ZNF724: variants seen among roughly 807,000 people sequenced by gnomAD.
ZNF724 encodes zinc finger protein 724 pseudogene.
A neutral mutation model predicts 29.3 loss-of-function variants in ZNF724; 14 were observed. The observed-to-expected ratio is 0.48, with a 90% CI of 0.32 to 0.75. ZNF724 has a LOEUF of 0.75. Among genes scored for constraint, ZNF724 ranks in the 30% least tolerant of loss-of-function variants. The pLI, the probability that ZNF724 is intolerant of heterozygous loss-of-function variation, is 0.04. For synonymous variants in ZNF724, 180 were observed against 193.6 expected, an observed-to-expected ratio of 0.93 and a Z score of 0.58; for missense variants, 557 against 571.2, an observed-to-expected ratio of 0.98 and a Z score of 0.25.
At position 23,233,179 on chromosome 19, in the gene ZNF724, C is replaced by G. The variant is rs537357540; in HGVS notation, c.4-886G>C. 3.3e-5 allele frequency among the ~76,000 whole-genome samples: 5 copies of G among 152,194 alleles called. No homozygotes were observed. The South Asian group carries it at 8.3e-4, about 25-fold the overall frequency. ...GGAAACATCAGTTTTATGCAAAGTTCAAGATACAGGTATCTTCTATCTTGA... is the reference window on the plus strand; with the variant it reads ...GGAAACATCAGTTTTATGCAAAGTTGAAGATACAGGTATCTTCTATCTTGA... On this transcript the variant is annotated intron_variant, in intron 1 of 3. Transcript: ENST00000418100.
At chr19:23,244,242 C>T (rs867148319) in intron 1 of ZNF724, among the ~76,000 whole-genome samples, 8 of 152,062 alleles carry the variant, frequency 5.3e-5, no homozygotes, top group African/African-American at 1.7e-4. Flanking sequence ...GCTGCAGATT[C>T]GGTGTCTGGG....
Position 23,222,933 on chromosome 19 carries a change from T to G in ZNF724, c.1312A>C (p.Thr438Pro), listed in dbSNP as rs1318958941. 1 of 1,386,802 alleles carries G rather than the reference T, an allele frequency of 7.2e-7. No individual in the cohort carries two copies. Among genetic ancestry groups the G allele is most frequent in the Non-Finnish European group, 1.0e-6 (1 of 974,226 alleles). The allele number at this position is 1,386,802 out of a possible 1,614,324, so 85.9% of individuals were successfully genotyped here. Residue 438 changes from threonine (T) to proline (P), a missense_variant, in exon 4 of 4, where the codon ACT becomes CCT. Physicochemically the swap from Thr to Pro is conservative, Grantham distance 38 (BLOSUM62 -1). Coordinates refer to ENST00000418100, the MANE Select transcript of ZNF724 (RefSeq NM_001355404.2). Reference sequence around the variant, plus strand: ...CCAGTATGAATTATCTTATGTGTAGTAAGTTGTGAGAACTGGTTAAAGGCT... The same window carrying G: ...CCAGTATGAATTATCTTATGTGTAGGAAGTTGTGAGAACTGGTTAAAGGCT... ...GKAFNQFSQL[T>P]THKIIHTGEK...
At chr19:23,230,480 T>C (rs1322739203) in intron 3 of ZNF724, among the ~76,000 whole-genome samples, 1 of 100,822 alleles carries the variant, frequency 9.9e-6, no homozygotes, top group Non-Finnish European at 2.0e-5. Flanking sequence ...TTTCAAACTA[T>C]ATTTCAAGAC....
intron 1 of ZNF724, among the ~76,000 whole-genome samples, chr19:23,236,106 G>C (rs931403020): frequency 1.3e-5 from 2 of 152,150 alleles, no homozygotes; most frequent in African/African-American, 4.8e-5. Flanking sequence ...AGGTAATTTT[G>C]CAACTTAGGG....
At chr19:23,230,032 A>G (rs1971908397) in intron 3 of ZNF724, among the ~76,000 whole-genome samples, 1 of 152,180 alleles carries the variant, frequency 6.6e-6, no homozygotes, top group African/African-American at 2.4e-5. Context: ...TAATTAATAT[A>G]CTCAGTAAAT....
intron 3 of ZNF724, among the ~76,000 whole-genome samples, chr19:23,224,623 C>T (rs1198592321): frequency 1.3e-5 from 2 of 152,078 alleles, no homozygotes; most frequent in Non-Finnish European, 2.9e-5. Flanking sequence ...TTACCTAACA[C>T]AGCTCATCCC....
chr19:23,239,454 C>A (rs558482090), intron 1 of ZNF724, among the ~76,000 whole-genome samples: 124 of 152,232 alleles, frequency 8.1e-4, no homozygotes, highest in African/African-American at 3.0e-3. Flanking sequence ...AATTTAAAAA[C>A]CTTCACCTGA....
At chr19:23,228,994 C>G (rs3895843) in intron 3 of ZNF724, among the ~76,000 whole-genome samples, 1 of 150,766 alleles carries the variant, frequency 6.6e-6, no homozygotes, top group Non-Finnish European at 1.5e-5. Flanking sequence ...ACCTGGGAGG[C>G]GGAGGTTACA....
rs1971878090 is a variant in ZNF724 at position 23,228,472 on chromosome 19, C to T, written c.226+2794G>A. On this transcript the variant is annotated intron_variant, in intron 3 of 3. Transcript: ENST00000418100. Reference sequence around the variant, plus strand: ...TTCGTCTCAAAAAAAAAAAAAAAGGCTGGGCGCAGTGGCTTATGCCTGTAA... The same window carrying T: ...TTCGTCTCAAAAAAAAAAAAAAAGGTTGGGCGCAGTGGCTTATGCCTGTAA... Among the ~76,000 whole-genome samples the T allele has an allele frequency of 4.1e-5, 6 of 146,576 alleles. No individual in the cohort carries two copies. The South Asian group carries it at 1.3e-3, about 32-fold the overall frequency.
intron 3 of ZNF724, among the ~76,000 whole-genome samples, chr19:23,226,016 G>A (rs1376524624): frequency 6.7e-6 from 1 of 148,254 alleles, no homozygotes; most frequent in East Asian, 2.0e-4. Context: ...CCCATGCCTG[G>A]TTATTTTTGA....
chr19:23,223,196 G>T lies in ZNF724; in HGVS notation c.1049C>A (p.Ser350Tyr). The T allele has an allele frequency of 8.6e-7, 1 of 1,160,036 alleles. No homozygotes were observed. The highest frequency in any genetic ancestry group is 1.3e-6 in the Non-Finnish European group (1 of 767,856). The allele number at this position is 1,160,036 out of a possible 1,614,324, so 71.9% of individuals were successfully genotyped here. ...CEECGKAFNV[S>Y]STLTQHKRIH... ...TCTCTTATGTTGAGTAAGGGTTGAG[G>T]ACACATTAAAGGCTTTGCCACATTC... The change falls in exon 4 of 4, where the codon TCC becomes TAC. Residue 350 changes from serine to tyrosine, a missense_variant. Coordinates refer to ENST00000418100, the MANE Select transcript of ZNF724 (RefSeq NM_001355404.2).
At chr19:23,235,104 T>C (rs2145783207) in intron 1 of ZNF724, among the ~76,000 whole-genome samples, 1 of 152,212 alleles carries the variant, frequency 6.6e-6, no homozygotes, top group East Asian at 1.9e-4. Flanking sequence ...CAACATGTAC[T>C]ATTGAAATGT....
intron 3 of ZNF724, among the ~76,000 whole-genome samples, chr19:23,226,751 A>G (rs1373515109): frequency 6.6e-6 from 1 of 152,190 alleles, no homozygotes; most frequent in Non-Finnish European, 1.5e-5. Flanking sequence ...GGCCATAACC[A>G]TAATTAGGGT....
intron 1 of ZNF724, among the ~76,000 whole-genome samples, chr19:23,245,515 A>G (rs1244796031): frequency 1.3e-5 from 2 of 152,110 alleles, no homozygotes; most frequent in Non-Finnish European, 2.9e-5. Context: ...CAGGAGGCTG[A>G]GGCAAGAGAA....
At chr19:23,229,234 A>G (rs563829845) in intron 3 of ZNF724, among the ~76,000 whole-genome samples, 2 of 152,016 alleles carry the variant, frequency 1.3e-5, no homozygotes, top group Non-Finnish European at 2.9e-5. Flanking sequence ...AAAATAGCCT[A>G]CCCAACTTGG....
chr19:23,249,873 C>G (rs1972317788), intron 1 of ZNF724, among the ~76,000 whole-genome samples: 1 of 152,136 alleles, frequency 6.6e-6, no homozygotes, highest in Admixed American at 6.6e-5. Context: ...GAACTGGAAA[C>G]GCAGCGGACT....
At chr19:23,226,088 G>A (rs1237536389) in intron 3 of ZNF724, among the ~76,000 whole-genome samples, 1 of 122,220 alleles carries the variant, frequency 8.2e-6, no homozygotes, top group Non-Finnish European at 1.6e-5. Context: ...GTCTCGCTCT[G>A]TCCCCCAGGC....
At position 23,223,744 on chromosome 19, in the gene ZNF724, C is replaced by G; in HGVS notation, c.501G>C (p.Lys167Asn). The G allele has an allele frequency of 1.4e-6, 1 of 738,922 alleles. No individual in the cohort carries two copies. The highest frequency in any genetic ancestry group is 2.5e-6 in the Non-Finnish European group (1 of 398,340). 45.8% of individuals were successfully genotyped at this position (738,922 alleles called of 1,614,324 possible). Residue 167 changes from lysine to asparagine, a missense_variant, in exon 4 of 4, where the codon AAG becomes AAC. This residue lies in a region of ZNF724 where 362 missense variants were observed against 295.5 expected (regional missense o/e 1.22). Transcript: ENST00000418100. ...CACATTCTTTACATTTGAAAGGATT[C>G]TTTTCAGTCTTATGTCTATTTGAAT... ...FSNSNRHKTE[K>N]NPFKCKECGK...
intron 1 of ZNF724, among the ~76,000 whole-genome samples, chr19:23,247,798 G>A (rs573015095): frequency 2.0e-5 from 3 of 152,260 alleles, no homozygotes; most frequent in Admixed American, 2.0e-4. Flanking sequence ...AAAATGGCTT[G>A]GATAAAAACA....
Sources: allele counts gnomAD v4.1 joint callset (sites outside exome capture counted in the v4.1 genomes callset), GRCh38; gene constraint gnomAD v4.1.1; regional missense constraint gnomAD v4.1.1; transcripts MANE v1.5; gene names NCBI Gene and HGNC (gene_info 2026-07-23, HGNC 2026-07-21).